Variants in HSPH1 observed in about 807,000 individuals in gnomAD.
HSPH1 encodes the protein heat shock protein 105 kDa.
In HSPH1, 40 loss-of-function variants were observed where a neutral mutation model predicts 100.0. That is an observed-to-expected ratio of 0.40 (90% CI 0.31 to 0.52). The LOEUF is 0.52. Among genes scored for constraint, HSPH1 ranks in the 20% least tolerant of loss-of-function variants. The pLI, the probability that HSPH1 is intolerant of heterozygous loss-of-function variation, is 0.54. For missense variants in HSPH1, 876 were observed against 1,015.1 expected (o/e 0.86, Z 1.86); for synonymous variants, 403 against 344.0 (o/e 1.17, Z -1.90).
intron 14 of HSPH1, 34 bp from the exon 15 acceptor site, chr13:31,139,141 C>T (rs369027714): frequency 1.2e-5 from 16 of 1,290,546 alleles, no homozygotes; most frequent in African/African-American, 2.9e-5. Context: ...TAGTGGCACT[C>T]GTACTTCAGA....
At position 31,152,776 on chromosome 13, in the gene HSPH1, A is replaced by G. The variant is rs566586935; in HGVS notation, c.529+76T>C. On this transcript the variant is annotated intron_variant, in intron 5 of 17. Coordinates refer to ENST00000320027, the MANE Select transcript of HSPH1 (RefSeq NM_006644.4). ...TTTAACAGGCTGTGTTTCTGTATCT[A>G]TAAGAAAGTAATAGCACTGAGAACA... is the stretch of plus-strand genomic sequence containing the variant. 735 of 1,011,550 alleles carry G rather than the reference A, an allele frequency of 7.3e-4. 5 individuals are homozygous for G. In the African/African-American group the frequency reaches 0.011, roughly 15 times the overall value. 62.7% of individuals were successfully genotyped at this position (1,011,550 alleles called of 1,614,324 possible). A position where few individuals can be genotyped will look rare whatever the true frequency, so the allele number is the denominator to read the frequency against.
In HSPH1 at chr13:31,158,666, T is replaced by C. The variant is rs937457240; in HGVS notation, c.165+140A>G. On this transcript the variant is annotated intron_variant, in intron 2 of 17. Transcript: ENST00000320027. ...AAGAGTGTCATCATCTGAAGGTTCATAAAGAATACTTGAATTACATTTTTA... is the reference window on the plus strand; with the variant it reads ...AAGAGTGTCATCATCTGAAGGTTCACAAAGAATACTTGAATTACATTTTTA... 1.6e-5 allele frequency: 9 copies of C among 568,402 alleles called. No homozygotes were observed. The African/African-American group carries it at 1.7e-4, about 11-fold the overall frequency. 35.2% of individuals were successfully genotyped at this position (568,402 alleles called of 1,614,324 possible).
Position 31,159,864 on chromosome 13 carries a change from A to G in HSPH1, c.108-1001T>C, listed in dbSNP as rs114822970. Among the ~76,000 whole-genome samples, 320 of 152,288 alleles carry G rather than the reference A, an allele frequency of 2.1e-3. 1 individual carries two copies. Among genetic ancestry groups the G allele is most frequent in the African/African-American group, 7.2e-3 (301 of 41,552 alleles). On this transcript the variant is annotated intron_variant, in intron 1 of 17. Transcript: ENST00000320027. ...ATCCTAAAAGCCAGAGAAGTGTCCA[A>G]GCAGAAGCTAGACAAGAAACCGTCA...
rs12323017 is a variant in HSPH1, at chr13:31,135,883, T to A, written c.*1435A>T. The A allele has an allele frequency of 0.23, 35,428 of 152,044 alleles. 4,501 individuals are homozygous for A. The highest frequency in any genetic ancestry group is 0.46 in the East Asian group (2,351 of 5,146). The allele number at this position is 152,044 out of a possible 1,614,324, so 9.4% of individuals were successfully genotyped here. A position where few individuals can be genotyped will look rare whatever the true frequency, so the allele number is the denominator to read the frequency against. ...GAGGGAAAGTTGGCCCTCATCAAGA[T>A]CATAAATGGCTGGGCATGGTGGCTC... On this transcript the variant is annotated 3_prime_UTR_variant, in exon 18 of 18. Coordinates refer to ENST00000320027, the MANE Select transcript of HSPH1 (RefSeq NM_006644.4).
In HSPH1 at chr13:31,145,470, A is replaced by T. The variant is rs987628448; in HGVS notation, c.1584+93T>A. On this transcript the variant is annotated intron_variant, in intron 11 of 17. Coordinates refer to ENST00000320027, the MANE Select transcript of HSPH1 (RefSeq NM_006644.4). The stretch of plus-strand genomic sequence containing the variant: ...TCTGATCAAAATTATTCATGAAGGA[A>T]AACATTCATTTTAACCCTTCCCTAC... 3.4e-6 allele frequency: 3 copies of T among 886,482 alleles called. No homozygotes were observed. The Admixed American group carries it at 7.4e-5, about 22-fold the overall frequency. 54.9% of individuals were successfully genotyped at this position (886,482 alleles called of 1,614,324 possible).
chr13:31,154,302 T>TCGG, intron 4 of HSPH1: 2 of 346,330 alleles, frequency 5.8e-6, no homozygotes, highest in East Asian at 7.0e-5. Flanking sequence ...GGTAGAATTC[T>TCGG]TTCACCTGTG....
At chr13:31,143,172 G>A (rs1352335887) in intron 12 of HSPH1, among the ~76,000 whole-genome samples, 1 of 152,050 alleles carries the variant, frequency 6.6e-6, no homozygotes, top group Non-Finnish European at 1.5e-5. Flanking sequence ...GTGATTCATA[G>A]TTAACAACAG....
In HSPH1 at chr13:31,161,547, G is replaced by C. The variant is rs778614518; in HGVS notation, c.36C>G (p.Ser12Arg). The C allele has an allele frequency of 1.9e-6, 3 of 1,613,756 alleles. No homozygotes were observed. Among genetic ancestry groups the C allele is most frequent in the Admixed American group, 1.7e-5 (1 of 60,004 alleles). ...CGGCCCGGGCTACCGCGATGTAGCA[G>C]CTCTGCGAGCCCACGTCCAACCCCA... ...SVVGLDVGSQ[S>R]CYIAVARAGG... The change falls in exon 1 of 18, where the codon AGC (serine) becomes AGG (arginine). Residue 12 changes from serine to arginine, a missense_variant. Ser to Arg is a moderately radical substitution (Grantham distance 110, BLOSUM62 -1). Transcript: ENST00000320027.
Position 31,138,391 on chromosome 13 carries a change from A to G in HSPH1, c.2370+16T>C. ...GTAAGTGAACCCAGCAGTAAACACG[A>G]GACAGTAACACTCACCTTGATTTTT... On this transcript the variant is annotated intron_variant, in intron 17 of 17. Transcript: ENST00000320027. The G allele has an allele frequency of 6.2e-7, 1 of 1,610,666 alleles. No homozygotes were observed. Among genetic ancestry groups the G allele is most frequent in the Non-Finnish European group, 8.5e-7 (1 of 1,178,144 alleles).
Position 31,138,806 on chromosome 13 carries a change from T to C in HSPH1, c.2183A>G (p.Lys728Arg). The change falls in exon 16 of 18, where the codon AAG (lysine) becomes AGG (arginine). Residue 728 changes from lysine to arginine, a missense_variant. Transcript: ENST00000320027. Reference sequence around the variant, plus strand: ...CTTATTTCTGAAGTCAGCTGCTATCTTGGCATAATGCTGCAGCCTCTGTCC... The same window carrying C: ...CTTATTTCTGAAGTCAGCTGCTATCCTGGCATAATGCTGCAGCCTCTGTCC... ...ELGQRLQHYA[K>R]IAADFRNKDE... 13 of 1,609,838 alleles carry C rather than the reference T, an allele frequency of 8.1e-6. No individual in the cohort carries two copies. The highest frequency in any genetic ancestry group is 1.1e-5 in the Non-Finnish European group (13 of 1,178,754).
intron 2 of HSPH1, among the ~76,000 whole-genome samples, chr13:31,156,234 C>T (rs1364651674): frequency 6.6e-6 from 1 of 151,960 alleles, no homozygotes; most frequent in Non-Finnish European, 1.5e-5. Flanking sequence ...ACTAAAAATA[C>T]AAAAAATTAG....
In HSPH1 at chr13:31,138,886, T is replaced by C; in HGVS notation, c.2103A>G (p.Pro701=). The C allele has an allele frequency of 6.2e-7, 1 of 1,606,574 alleles. No homozygotes were observed. Among genetic ancestry groups the C allele is most frequent in the East Asian group, 2.2e-5 (1 of 44,606 alleles). Residue 701 remains proline, a synonymous_variant, in exon 16 of 18, where the codon CCA becomes CCG. Transcript: ENST00000320027. ...KLEELMKIGT[P]VKVRFQEAEE... is the part of the protein sequence containing the mutation. ...CAGCTTCCTGAAACCGAACTTTAAC[T>C]GGAGTGCCAATTTTCTAAAATAAAA... is the stretch of plus-strand genomic sequence containing the variant.
intron 1 of HSPH1, among the ~76,000 whole-genome samples, chr13:31,159,592 G>C (rs1235303978): frequency 6.6e-6 from 1 of 152,182 alleles, no homozygotes; most frequent in Non-Finnish European, 1.5e-5. Context: ...AGCTTAAAAA[G>C]TCTTGTGAGA....
chr13:31,161,839 A>ACCTCGGGTTGCCTG lies in HSPH1; in HGVS notation c.-271_-258dup. 1.4e-6 allele frequency: 2 copies of ACCTCGGGTTGCCTG among 1,476,312 alleles called. No homozygotes were observed. The highest frequency in any genetic ancestry group is 1.8e-6 in the Non-Finnish European group (2 of 1,115,038). 91.5% of individuals were successfully genotyped at this position (1,476,312 alleles called of 1,614,324 possible). Reference sequence around the variant, plus strand: ...GCTCAGCCTCCGCAGGTCGCTCCGCACCTCGGGTTGCCTGCCTCACTCTGC... The same window carrying ACCTCGGGTTGCCTG: ...GCTCAGCCTCCGCAGGTCGCTCCGCACCTCGGGTTGCCTGCCTCGGGTTGCCTGCCTCACTCTGC... On this transcript the variant is annotated 5_prime_UTR_variant, in exon 1 of 18. Transcript: ENST00000320027.
chr13:31,142,832 A>T (rs932413492), intron 12 of HSPH1, among the ~76,000 whole-genome samples: 1 of 152,084 alleles, frequency 6.6e-6, no homozygotes, highest in Non-Finnish European at 1.5e-5. Context: ...CAAGTCAAGG[A>T]GTGTGCTGTT....
chr13:31,160,079 C>A (rs1388686022), intron 1 of HSPH1, among the ~76,000 whole-genome samples: 1 of 152,188 alleles, frequency 6.6e-6, no homozygotes. Flanking sequence ...TCACATTTTT[C>A]AGGGCCATAC....
rs762700003 is a variant in HSPH1 at position 31,161,600 on chromosome 13, C to T, written c.-18G>A. On this transcript the variant is annotated 5_prime_UTR_variant, in exon 1 of 18. Coordinates refer to ENST00000320027, the MANE Select transcript of HSPH1 (RefSeq NM_006644.4). ...ACCGACATGGCCGGCTCGCGGTCCG[C>T]CTCCGCCTCGGGTCTCGGTCTGCGT... The T allele has an allele frequency of 9.9e-6, 16 of 1,611,192 alleles. No homozygotes were observed. Among genetic ancestry groups the T allele is most frequent in the Admixed American group, 1.7e-5 (1 of 59,920 alleles).
At chr13:31,138,746 T>A (rs1029993431) in intron 16 of HSPH1, 35 bp downstream of exon 16, 5 of 1,581,338 alleles carry the variant, frequency 3.2e-6, no homozygotes, top group Admixed American at 2.0e-5. Context: ...AAATCTAGGT[T>A]AACTTCCTCC....
At chr13:31,143,650 A>T (rs1232240268) in intron 12 of HSPH1, 142 bp downstream of exon 12, 1 of 734,442 alleles carries the variant, frequency 1.4e-6, no homozygotes, top group Admixed American at 3.0e-5. Context: ...TTAGTTGAAA[A>T]ATACATAGAA....
Sources: allele counts gnomAD v4.1 joint callset (sites outside exome capture counted in the v4.1 genomes callset), GRCh38; gene constraint gnomAD v4.1.1; transcripts MANE v1.5; gene names NCBI Gene and HGNC (gene_info 2026-07-23, HGNC 2026-07-21).